NELL2: variants seen among roughly 807,000 people sequenced by gnomAD.
The protein encoded by NELL2 is neural EGFL like 2.
A neutral mutation model predicts 109.6 loss-of-function variants in NELL2; 41 were observed. The ratio of observed to expected loss-of-function variants is 0.37; its 90% CI spans 0.29 to 0.49. The LOEUF (loss-of-function observed/expected upper bound fraction) is 0.49. Ranked by LOEUF, NELL2 falls within the 20% of genes least tolerant of loss-of-function variation. The pLI, the probability that NELL2 is intolerant of heterozygous loss-of-function variation, is 0.98. For synonymous variants in NELL2, 355 were observed against 344.7 expected (o/e 1.03, Z -0.33); for missense variants, 900 against 1,008.3 (o/e 0.89, Z 1.45).
At chr12:44,875,077 G>T in intron 2 of NELL2, 148 bp downstream of exon 2, 1 of 1,034,080 alleles carries the variant, frequency 9.7e-7, no homozygotes, top group Non-Finnish European at 1.4e-6. Context: ...AAGAGATAGG[G>T]ATATGTGTCT....
intron 2 of NELL2, among the ~76,000 whole-genome samples, chr12:44,832,983 G>T (rs573702350): frequency 6.6e-6 from 1 of 152,278 alleles, no homozygotes; most frequent in Non-Finnish European, 1.5e-5. Flanking sequence ...TAAATTTCTA[G>T]ATTATCAGAG....
intron 19 of NELL2, among the ~76,000 whole-genome samples, chr12:44,517,237 T>C (rs1395711523): frequency 2.6e-5 from 4 of 152,156 alleles, no homozygotes; most frequent in Non-Finnish European, 5.9e-5. Context: ...TGCTTATTTA[T>C]AGGTATTTTT....
At chr12:44,874,175 G>T (rs570439987) in intron 2 of NELL2, among the ~76,000 whole-genome samples, 1 of 152,024 alleles carries the variant, frequency 6.6e-6, no homozygotes, top group African/African-American at 2.4e-5. Context: ...CATATTTTCC[G>T]AAGTGGTTTC....
chr12:44,630,249 C>T (rs1041623413), intron 13 of NELL2, among the ~76,000 whole-genome samples: 38 of 152,190 alleles, frequency 2.5e-4, no homozygotes, highest in Admixed American at 1.3e-3. Context: ...TTACTTTGTC[C>T]TTTGATTTAA....
At chr12:44,882,626 C>T (rs1038784648) in intron 1 of NELL2, among the ~76,000 whole-genome samples, 9 of 151,698 alleles carry the variant, frequency 5.9e-5, no homozygotes, top group South Asian at 2.1e-4. Context: ...CTCCCGAGTT[C>T]GAGCAATTCT....
chr12:44,512,516 T>TA (rs1941045185), intron 19 of NELL2, among the ~76,000 whole-genome samples: 2 of 152,080 alleles, frequency 1.3e-5, no homozygotes, highest in Admixed American at 6.6e-5. Flanking sequence ...ATATTGAAGA[T>TA]ATATCTGAAC....
intron 12 of NELL2, among the ~76,000 whole-genome samples, chr12:44,667,096 T>C (rs1947949972): frequency 2.6e-5 from 4 of 152,246 alleles, no homozygotes; most frequent in South Asian, 2.1e-4. Flanking sequence ...GTTTCCATTA[T>C]AGATGCATCA....
chr12:44,622,744 A>G (rs2136273910), intron 13 of NELL2, among the ~76,000 whole-genome samples: 1 of 152,256 alleles, frequency 6.6e-6, no homozygotes, highest in East Asian at 1.9e-4. Context: ...TCCGATTTTA[A>G]AGTGATGAGA....
At chr12:44,636,917 C>A (rs1037696515) in intron 13 of NELL2, among the ~76,000 whole-genome samples, 1 of 152,010 alleles carries the variant, frequency 6.6e-6, no homozygotes, top group Non-Finnish European at 1.5e-5. Flanking sequence ...TTATTTACTG[C>A]CTCAATTTCA....
At position 44,520,121 on chromosome 12, in the gene NELL2, C is replaced by T. The variant is rs1466329471; in HGVS notation, c.2284G>A (p.Ala762Thr). 1 of 1,614,012 alleles carries T rather than the reference C, an allele frequency of 6.2e-7. No individual in the cohort carries two copies. The highest frequency in any genetic ancestry group is 1.7e-5 in the Admixed American group (1 of 59,992). Residue 762 changes from alanine to threonine, a missense_variant, in exon 19 of 20, where the codon GCT becomes ACT. Ala to Thr is a moderately conservative substitution (Grantham distance 58). This residue lies in a region of NELL2 where 333 missense variants were observed against 432.3 expected (regional missense o/e 0.77). Coordinates refer to ENST00000429094, the MANE Select transcript of NELL2 (RefSeq NM_001145108.2). ...CPRCVTDPCQ[A>T]DTIRNDITKT... ...GTGATGTCATTGCGGATGGTGTCAG[C>T]CTGGCAAGGGTCTGTGACACAGCGC...
In NELL2 at chr12:44,743,143, T is replaced by C. The variant is rs556376847; in HGVS notation, c.995-28402A>G. ...CAAGCCAGAAGAGCATGGGGACCAA[T>C]ATTCAACATTCTTAAAGAAAAGAAT... is the stretch of plus-strand genomic sequence containing the variant. On this transcript the variant is annotated intron_variant, in intron 9 of 19. Coordinates refer to ENST00000429094, the MANE Select transcript of NELL2 (RefSeq NM_001145108.2). 1.1e-3 allele frequency among the ~76,000 whole-genome samples: 173 copies of C among 152,288 alleles called. 1 individual carries two copies. Among genetic ancestry groups the C allele is most frequent in the Admixed American group, 2.0e-3 (30 of 15,284 alleles).
intron 2 of NELL2, among the ~76,000 whole-genome samples, chr12:44,865,072 T>G (rs552158627): frequency 3.0e-5 from 4 of 134,436 alleles, no homozygotes; most frequent in African/African-American, 1.1e-4. Context: ...CTAACTGGTG[T>G]GAGATGATAT....
intron 1 of NELL2, among the ~76,000 whole-genome samples, chr12:44,911,658 A>C (rs1450801297): frequency 6.6e-6 from 1 of 151,910 alleles, no homozygotes; most frequent in East Asian, 1.9e-4. Context: ...AGGACTGGAC[A>C]TTTACTATGT....
intron 9 of NELL2, among the ~76,000 whole-genome samples, chr12:44,747,922 G>A (rs74079194): frequency 0.054 from 8,154 of 152,144 alleles, 688 homozygotes; most frequent in African/African-American, 0.18. Context: ...TCCTTCTCCC[G>A]ATAAATTCAT....
intron 9 of NELL2, among the ~76,000 whole-genome samples, chr12:44,731,875 A>C: frequency 6.6e-6 from 1 of 152,096 alleles, no homozygotes; most frequent in East Asian, 1.9e-4. Flanking sequence ...AAATATAGCA[A>C]ATTTGTAGGA....
chr12:44,808,538 A>G (rs1943076616), intron 3 of NELL2, among the ~76,000 whole-genome samples: 1 of 152,046 alleles, frequency 6.6e-6, no homozygotes, highest in African/African-American at 2.4e-5. Flanking sequence ...TTTTTTAATT[A>G]TGTAGAAATT....
rs536795853 is a variant in NELL2 at position 44,670,943 on chromosome 12, C to G, written c.1319-5334G>C. ...CAGACTTAATCTGCACTACATACTA[C>G]ATGGAGTTAACATTTACAGAAAATT... On this transcript the variant is annotated intron_variant, in intron 12 of 19. Transcript: ENST00000429094. 6.6e-5 allele frequency among the ~76,000 whole-genome samples: 10 copies of G among 152,272 alleles called. No individual in the cohort carries two copies. The South Asian group carries it at 2.1e-3, about 32-fold the overall frequency.
At chr12:44,535,620 T>C (rs1438256933) in intron 15 of NELL2, among the ~76,000 whole-genome samples, 1 of 152,004 alleles carries the variant, frequency 6.6e-6, no homozygotes, top group Non-Finnish European at 1.5e-5. Context: ...TGATATGGTA[T>C]GTAGGTGATA....
intron 13 of NELL2, among the ~76,000 whole-genome samples, chr12:44,634,722 G>T (rs1946572897): frequency 6.6e-6 from 1 of 152,064 alleles, no homozygotes; most frequent in Non-Finnish European, 1.5e-5. Context: ...AGTATTTCTG[G>T]TTCTAGATCC....
Sources: allele counts gnomAD v4.1 joint callset (sites outside exome capture counted in the v4.1 genomes callset), GRCh38; gene constraint gnomAD v4.1.1; regional missense constraint gnomAD v4.1.1; transcripts MANE v1.5; gene names NCBI Gene and HGNC (gene_info 2026-07-23, HGNC 2026-07-21).